The following NLRC5 variants were observed in gnomAD, a reference collection of about 807,000 sequenced individuals.
NLRC5 encodes protein NLRC5.
Under a neutral mutation model 206.9 loss-of-function variants are expected in NLRC5, and 114 were observed. The observed-to-expected ratio is 0.55, with a 90% CI of 0.47 to 0.64. The LOEUF (loss-of-function observed/expected upper bound fraction) is 0.64, where lower values mean the gene tolerates loss of function less well. NLRC5 is among the 30% of genes least tolerant of loss of function. The probability of loss-of-function intolerance (pLI) is 0.00; values close to 1 mark genes in which losing one functional copy is unlikely to be tolerated. For synonymous variants in NLRC5, 952 were observed against 962.8 expected (o/e 0.99, Z 0.21); for missense variants, 2,008 against 2,305.5 (o/e 0.87, Z 2.64).
intron 20 of NLRC5, 65 bp downstream of exon 20, chr16:57,043,669 C>T (rs2399595): frequency 0.065 from 84,506 of 1,308,156 alleles, 3,073 homozygotes; most frequent in Middle Eastern, 0.088. Flanking sequence ...TCTGCTCCCA[C>T]GTGGGCCCCT....
chr16:57,029,755 G>C lies in NLRC5; in HGVS notation c.2244-18G>C, dbSNP rs535079492. Reference sequence around the variant, plus strand: ...CCCAACCCCAGGGCAAAGGGACTGGGCCTTGGTCTCCTCGCAGTTTTCGGG... The same window carrying C: ...CCCAACCCCAGGGCAAAGGGACTGGCCCTTGGTCTCCTCGCAGTTTTCGGG... On this transcript the variant is annotated intron_variant, in intron 8 of 48. Coordinates refer to ENST00000688547, the MANE Select transcript of NLRC5 (RefSeq NM_001384950.1). 1.2e-6 allele frequency: 2 copies of C among 1,612,730 alleles called. No individual in the cohort carries two copies. The highest frequency in any genetic ancestry group is 2.7e-5 in the African/African-American group (2 of 75,026).
At chr16:57,068,167 T>C (rs1216995136) in intron 36 of NLRC5, among the ~76,000 whole-genome samples, 1 of 152,184 alleles carries the variant, frequency 6.6e-6, no homozygotes, top group African/African-American at 2.4e-5. Context: ...TGGTGGCTCA[T>C]GTCTGTAATC....
intron 46 of NLRC5, 45 bp from the exon 47 acceptor site, chr16:57,081,053 C>A (rs746606367): frequency 1.3e-6 from 2 of 1,521,510 alleles, no homozygotes; most frequent in Non-Finnish European, 1.8e-6. Context: ...CACCCCTCGA[C>A]CTCCTTGCTC....
chr16:57,007,661 G>A (rs2059065390), intron 1 of NLRC5, among the ~76,000 whole-genome samples: 1 of 152,132 alleles, frequency 6.6e-6, no homozygotes, highest in African/African-American at 2.4e-5. Context: ...CTGGGGAGGT[G>A]GAAGTTGCAG....
chr16:57,051,727 T>G, intron 24 of NLRC5, 106 bp downstream of exon 24: 1 of 826,226 alleles, frequency 1.2e-6, no homozygotes, highest in Non-Finnish European at 2.0e-6. Flanking sequence ...CCCCCGCCTT[T>G]ACCCCCTCCA....
At chr16:57,015,502 A>C (rs1427138564) in intron 1 of NLRC5, among the ~76,000 whole-genome samples, 2 of 152,176 alleles carry the variant, frequency 1.3e-5, no homozygotes, top group Non-Finnish European at 2.9e-5. Context: ...CTGCAGTCCC[A>C]GCTACTCAGG....
intron 1 of NLRC5, among the ~76,000 whole-genome samples, chr16:57,012,220 G>A (rs2142652839): frequency 6.6e-6 from 1 of 152,260 alleles, no homozygotes; most frequent in East Asian, 1.9e-4. Context: ...ATATTCCATT[G>A]TATAGATATG....
At chr16:57,000,819 T>TA (rs2058156381) in intron 1 of NLRC5, among the ~76,000 whole-genome samples, 1 of 152,124 alleles carries the variant, frequency 6.6e-6, no homozygotes, top group Admixed American at 6.5e-5. Context: ...AAATGGCCAC[T>TA]AACCATTCCT....
Position 57,082,736 on chromosome 16 carries a change from G to A in NLRC5, c.*208G>A. 1 of 521,942 alleles carries A rather than the reference G, an allele frequency of 1.9e-6. No homozygotes were observed. The highest frequency in any genetic ancestry group is 3.4e-6 in the Non-Finnish European group (1 of 293,308). 32.3% of individuals were successfully genotyped at this position (521,942 alleles called of 1,614,324 possible). On this transcript the variant is annotated 3_prime_UTR_variant, in exon 49 of 49. Coordinates refer to ENST00000688547, the MANE Select transcript of NLRC5 (RefSeq NM_001384950.1). ...CTGGGTCTGGACAAAGGAGTACCCTGCATTACGTGGGATATGTGTGATCAA... is the reference window on the plus strand; with the variant it reads ...CTGGGTCTGGACAAAGGAGTACCCTACATTACGTGGGATATGTGTGATCAA...
chr16:57,062,968 T>G (rs1426127672), intron 32 of NLRC5, among the ~76,000 whole-genome samples: 1 of 152,116 alleles, frequency 6.6e-6, no homozygotes, highest in Admixed American at 6.6e-5. Context: ...TGAATTGGAC[T>G]GCTCTAAATA....
intron 32 of NLRC5, among the ~76,000 whole-genome samples, chr16:57,063,430 G>C (rs1290480930): frequency 6.6e-6 from 1 of 151,970 alleles, no homozygotes; most frequent in Non-Finnish European, 1.5e-5. Context: ...CCTTTTTTAA[G>C]GCTGCATAAT....
At chr16:57,080,155 C>T (rs755092304) in intron 46 of NLRC5, among the ~76,000 whole-genome samples, 1 of 152,146 alleles carries the variant, frequency 6.6e-6, no homozygotes, top group South Asian at 2.1e-4. Flanking sequence ...GGACCCTAAC[C>T]ATGGTATGGA....
At chr16:57,081,234 G>A (rs756100806) in intron 47 of NLRC5, 53 bp downstream of exon 47, 99 of 1,501,546 alleles carry the variant, frequency 6.6e-5, no homozygotes, top group Non-Finnish European at 8.7e-5. Context: ...CCTACATCCC[G>A]GGAACACCAA....
At chr16:57,013,908 G>T in intron 1 of NLRC5, 1 of 529,718 alleles carries the variant, frequency 1.9e-6, no homozygotes, top group South Asian at 1.8e-5. Context: ...TCTACAAAAT[G>T]CGGCTGGTTT....
Position 57,049,981 on chromosome 16 carries a change from C to T in NLRC5, c.3423-1557C>T, listed in dbSNP as rs373241389. Among the ~76,000 whole-genome samples the T allele has an allele frequency of 5.3e-5, 8 of 151,990 alleles. No homozygotes were observed. The East Asian group carries it at 1.2e-3, about 22-fold the overall frequency. ...ATTCCCCGGGGTTCCACCGGGGAAG[C>T]CAGGGAAGATAGATTGTGGGGCTCC... On this transcript the variant is annotated intron_variant, in intron 23 of 48. Coordinates refer to ENST00000688547, the MANE Select transcript of NLRC5 (RefSeq NM_001384950.1).
chr16:57,049,995 T>C (rs181233741), intron 23 of NLRC5, among the ~76,000 whole-genome samples: 4 of 151,996 alleles, frequency 2.6e-5, no homozygotes, highest in Admixed American at 6.5e-5. Context: ...GGAAGATAGA[T>C]TGTGGGGCTC....
intron 5 of NLRC5, 143 bp downstream of exon 5, chr16:57,023,996 CT>C: frequency 1.3e-6 from 1 of 786,120 alleles, no homozygotes; most frequent in South Asian, 1.7e-5. Flanking sequence ...GAGAAAAGGA[CT>C]GGAGGTCTTG....
At position 57,061,709 on chromosome 16, in the gene NLRC5, C is replaced by T; in HGVS notation, c.4154+8C>T. ...AGGGCTGTTCAGCCTCAGGTACCTC[C>T]TCCCCCGCTGCCTCCGGGAGGGGCC... On this transcript the variant is annotated splice_region_variant and intron_variant, in intron 32 of 48. Transcript: ENST00000688547. 2.5e-6 allele frequency: 4 copies of T among 1,598,656 alleles called. No individual in the cohort carries two copies. The highest frequency in any genetic ancestry group is 3.4e-6 in the Non-Finnish European group (4 of 1,174,966).
intron 1 of NLRC5, among the ~76,000 whole-genome samples, chr16:56,993,132 TACAC>T (rs71152227): frequency 3.3e-5 from 4 of 120,580 alleles, no homozygotes; most frequent in Admixed American, 8.7e-5. Context: ...TATATATATA[TACAC>T]ACACACACAC....
Sources: allele counts gnomAD v4.1 joint callset (sites outside exome capture counted in the v4.1 genomes callset), GRCh38; gene constraint gnomAD v4.1.1; transcripts MANE v1.5; gene names NCBI Gene and HGNC (gene_info 2026-07-23, HGNC 2026-07-21).